ADCY5: variants seen among roughly 807,000 people sequenced by gnomAD.
The protein encoded by ADCY5 is adenylate cyclase type 5.
A neutral mutation model predicts 119.7 loss-of-function variants in ADCY5; 30 were observed. The ratio of observed to expected loss-of-function variants is 0.25; its 90% confidence interval spans 0.19 to 0.34. The LOEUF (loss-of-function observed/expected upper bound fraction) is 0.34. Ranked by LOEUF, ADCY5 falls within the 10% of genes least tolerant of loss-of-function variation. The pLI, the probability that ADCY5 is intolerant of heterozygous loss-of-function variation, is 1.00. For synonymous variants in ADCY5, 753 were observed against 762.2 expected, an observed-to-expected ratio of 0.99 and a Z score of 0.20; for missense variants, 1,324 against 1,775.2, an observed-to-expected ratio of 0.75 and a Z score of 4.57.
intron 18 of ADCY5, among the ~76,000 whole-genome samples, chr3:123,290,899 C>T (rs1488231179): frequency 6.6e-6 from 1 of 152,210 alleles, no homozygotes; most frequent in Non-Finnish European, 1.5e-5. Flanking sequence ...CCTCAGTTTC[C>T]TCATCTGTCA....
At chr3:123,288,307 CGGTACTTTTGT>C (rs1322660461) in intron 19 of ADCY5, among the ~76,000 whole-genome samples, 1 of 152,132 alleles carries the variant, frequency 6.6e-6, no homozygotes, top group Non-Finnish European at 1.5e-5. Context: ...ACTGAAATGC[CGGTACTTTTGT>C]GGATGATAAT....
chr3:123,443,873 T>A (rs912752075), intron 1 of ADCY5, among the ~76,000 whole-genome samples: 3 of 152,126 alleles, frequency 2.0e-5, no homozygotes, highest in Non-Finnish European at 4.4e-5. Context: ...ACTCTCCACT[T>A]TTCAAAGAGC....
rs1215565895 is a variant in ADCY5, at chr3:123,447,397, C to T, written c.1134+15G>A. 1 of 1,529,876 alleles carries T rather than the reference C, an allele frequency of 6.5e-7. No homozygotes were observed. The highest frequency in any genetic ancestry group is 1.4e-5 in the African/African-American group (1 of 73,224). The allele number at this position is 1,529,876 out of a possible 1,614,324, so 94.8% of individuals were successfully genotyped here. Reference sequence around the variant, plus strand: ...CGCCCCGCAATCCAGTCCCGGTGGCCAGGTCGGCCCCTACCTGCTTCAGCA... The same window carrying T: ...CGCCCCGCAATCCAGTCCCGGTGGCTAGGTCGGCCCCTACCTGCTTCAGCA... On this transcript the variant is annotated intron_variant, in intron 1 of 20. Transcript: ENST00000462833.
At position 123,304,141 on chromosome 3, in the gene ADCY5, G is replaced by A. The variant is rs753813374; in HGVS notation, c.2485C>T (p.Arg829Trp). ...PLQTLSRKIV[R>W]SKMNSTLVGV... Reference sequence around the variant, plus strand: ...ACCAGGGTGCTGTTCATCTTGGACCGCACGATCTTCCTGGAGAGGGTCTGC... The same window carrying A: ...ACCAGGGTGCTGTTCATCTTGGACCACACGATCTTCCTGGAGAGGGTCTGC... The change falls in exon 13 of 21, where the codon CGG (arginine) becomes TGG (tryptophan). Residue 829 changes from arginine to tryptophan, a missense_variant. Around this residue, in one of 6 missense-constraint regions of ADCY5, gnomAD observed 424 missense variants for 546.8 expected, o/e 0.78. Transcript: ENST00000462833. The A allele has an allele frequency of 2.2e-5, 33 of 1,519,712 alleles. No individual in the cohort carries two copies. Among genetic ancestry groups the A allele is most frequent in the East Asian group, 1.1e-4 (4 of 36,610 alleles). 94.1% of individuals were successfully genotyped at this position (1,519,712 alleles called of 1,614,324 possible).
intron 3 of ADCY5, among the ~76,000 whole-genome samples, chr3:123,336,841 T>C (rs929985886): frequency 6.6e-6 from 1 of 152,170 alleles, no homozygotes; most frequent in African/African-American, 2.4e-5. Flanking sequence ...ATGGCAACTC[T>C]TGTCACACTA....
intron 1 of ADCY5, among the ~76,000 whole-genome samples, chr3:123,385,323 A>T (rs1227201680): frequency 6.6e-6 from 1 of 150,802 alleles, no homozygotes; most frequent in Non-Finnish European, 1.5e-5. Flanking sequence ...ACGCACGACC[A>T]GTGCTGTAGT....
At chr3:123,420,931 T>A (rs1407490156) in intron 1 of ADCY5, among the ~76,000 whole-genome samples, 2 of 152,166 alleles carry the variant, frequency 1.3e-5, no homozygotes, top group Non-Finnish European at 2.9e-5. Context: ...GTTCCTTGGC[T>A]TGTAGATGGT....
chr3:123,390,870 A>G lies in ADCY5; in HGVS notation c.1135-38289T>C, dbSNP rs1189216414. ...CTCTGAGGTCTGCTCTCACATTGCC[A>G]GTCAACCTGCAACTGGCACGCTATA... On this transcript the variant is annotated intron_variant, in intron 1 of 20. Coordinates refer to ENST00000462833, the MANE Select transcript of ADCY5 (RefSeq NM_183357.3). Among the ~76,000 whole-genome samples, 5 of 152,360 alleles carry G rather than the reference A, an allele frequency of 3.3e-5. No homozygotes were observed. In the East Asian group the frequency reaches 7.7e-4, roughly 24 times the overall value.
chr3:123,324,507 G>A (rs1425548827), intron 8 of ADCY5, among the ~76,000 whole-genome samples: 4 of 149,342 alleles, frequency 2.7e-5, no homozygotes, highest in Admixed American at 6.7e-5. Context: ...CTTGGTATGG[G>A]TGACTCCCAC....
chr3:123,406,431 C>T (rs920042682), intron 1 of ADCY5, among the ~76,000 whole-genome samples: 7 of 152,186 alleles, frequency 4.6e-5, no homozygotes, highest in East Asian at 1.9e-4. Flanking sequence ...GGTTGTCTCC[C>T]GATCTGTTGG....
At position 123,300,221 on chromosome 3, in the gene ADCY5, C is replaced by G; in HGVS notation, c.2799G>C (p.Leu933=). Reference sequence around the variant, plus strand: ...TGAGCTCGATGGCCAGCATGAGCACCAGCTTCCCGATGCAGCTGATCTGCA... The same window carrying G: ...TGAGCTCGATGGCCAGCATGAGCACGAGCTTCCCGATGCAGCTGATCTGCA... The part of the protein sequence containing the change: ...VFLQISCIGK[L]VLMLAIELIY... The change falls in exon 15 of 21, where the codon CTG becomes CTC. Residue 933 remains leucine, a synonymous_variant. Transcript: ENST00000462833. 1 of 1,613,828 alleles carries G rather than the reference C, an allele frequency of 6.2e-7. No individual in the cohort carries two copies. Among genetic ancestry groups the G allele is most frequent in the Non-Finnish European group, 8.5e-7 (1 of 1,180,044 alleles).
chr3:123,373,977 T>C (rs570406728), intron 1 of ADCY5, among the ~76,000 whole-genome samples: 1 of 152,232 alleles, frequency 6.6e-6, no homozygotes, highest in Admixed American at 6.5e-5. Flanking sequence ...AATCTCCATA[T>C]TAAGGGAGGC....
intron 1 of ADCY5, among the ~76,000 whole-genome samples, chr3:123,382,461 T>G (rs1355071241): frequency 6.6e-6 from 1 of 152,172 alleles, no homozygotes; most frequent in African/African-American, 2.4e-5. Flanking sequence ...CAAACAGATA[T>G]TTTTACACGC....
At chr3:123,446,059 C>T (rs78263206) in intron 1 of ADCY5, among the ~76,000 whole-genome samples, 2,984 of 152,244 alleles carry the variant, frequency 0.02, 106 homozygotes, top group African/African-American at 0.067. Context: ...GGGACATAAA[C>T]ATTCCTCTCA....
intron 11 of ADCY5, among the ~76,000 whole-genome samples, chr3:123,316,466 C>T (rs919788802): frequency 6.6e-6 from 1 of 152,204 alleles, no homozygotes; most frequent in Admixed American, 6.5e-5. Context: ...GTTAATTTCC[C>T]GGTTTTGATC....
intron 1 of ADCY5, among the ~76,000 whole-genome samples, chr3:123,400,449 G>T (rs781342273): frequency 1.3e-5 from 2 of 152,034 alleles, no homozygotes; most frequent in Non-Finnish European, 2.9e-5. Flanking sequence ...TCCTTAAAAA[G>T]GAAAAAGCCT....
At chr3:123,411,032 C>T (rs1267025174) in intron 1 of ADCY5, among the ~76,000 whole-genome samples, 3 of 152,172 alleles carry the variant, frequency 2.0e-5, no homozygotes, top group Non-Finnish European at 4.4e-5. Context: ...CCACTTATCT[C>T]CAAAGCAGCA....
chr3:123,358,924 C>A (rs1943140555), intron 1 of ADCY5, among the ~76,000 whole-genome samples: 1 of 152,190 alleles, frequency 6.6e-6, no homozygotes, highest in Non-Finnish European at 1.5e-5. Context: ...GCCTCAGGCA[C>A]TGTGATCGTT....
intron 3 of ADCY5, among the ~76,000 whole-genome samples, chr3:123,341,597 C>A (rs749986244): frequency 3.9e-5 from 6 of 152,018 alleles, no homozygotes; most frequent in Admixed American, 6.5e-5. Context: ...TACTTAATGC[C>A]ACTGAACTGT....
Sources: gnomAD v4.1 joint callset for allele counts (sites outside exome capture counted in the v4.1 genomes callset) on GRCh38, gnomAD v4.1.1 for gene constraint, gnomAD v4.1.1 regional missense constraint, MANE v1.5 for transcripts, NCBI Gene and HGNC (gene_info 2026-07-23, HGNC 2026-07-21) for gene names.